The following RPAP1 variants were observed in gnomAD, a reference collection of about 807,000 sequenced individuals.
RPAP1 encodes RNA polymerase II associated protein 1.
RPAP1 carries 109 observed loss-of-function variants against 142.4 expected under a neutral mutation model. The ratio of observed to expected loss-of-function variants is 0.77; its 90% CI spans 0.66 to 0.90. The LOEUF (loss-of-function observed/expected upper bound fraction) is 0.90, where lower values mean the gene tolerates loss of function less well. RPAP1 is among the 40% of genes least tolerant of loss of function. RPAP1 has a pLI of 0.00. For missense variants in RPAP1, 1,546 were observed against 1,751.7 expected (o/e 0.88, Z 2.10); for synonymous variants, 704 against 738.9 (o/e 0.95, Z 0.77).
chr15:41,528,265 T>C lies in RPAP1; in HGVS notation c.1230A>G (p.Ala410=). ...RSQVSQQRAL[A]LHVLAQVISR... ...TGATGACCTGGGCTAACACATGCAG[T>C]GCCAGTGCTCTCTGCTGGGAAACCT... Residue 410 remains alanine (A), a synonymous_variant, in exon 10 of 25, where the codon GCA becomes GCG. Transcript: ENST00000304330. The C allele has an allele frequency of 1.2e-6, 2 of 1,608,846 alleles. No homozygotes were observed. Among genetic ancestry groups the C allele is most frequent in the Non-Finnish European group, 1.7e-6 (2 of 1,177,544 alleles).
Position 41,526,938 on chromosome 15 carries a change from C to G in RPAP1, c.1877G>C (p.Arg626Pro). The G allele has an allele frequency of 6.2e-7, 1 of 1,614,000 alleles. No individual in the cohort carries two copies. The highest frequency in any genetic ancestry group is 1.7e-5 in the Admixed American group (1 of 60,000). Residue 626 changes from arginine to proline, a missense_variant, in exon 14 of 25, where the codon CGT becomes CCT. Arg to Pro is a moderately radical substitution (Grantham distance 103, BLOSUM62 -2). Coordinates refer to ENST00000304330, the MANE Select transcript of RPAP1 (RefSeq NM_015540.4). ...VPCATAMKLL[R>P]VLASAGRNIA... Reference sequence around the variant, plus strand: ...ATTCCTCCCAGCTGAGGCCAGGACACGAAGTAGTTTCATGGCAGTAGCACA... The same window carrying G: ...ATTCCTCCCAGCTGAGGCCAGGACAGGAAGTAGTTTCATGGCAGTAGCACA...
intron 7 of RPAP1, among the ~76,000 whole-genome samples, 197 bp downstream of exon 7, chr15:41,530,826 G>C (rs968382115): frequency 6.6e-6 from 1 of 152,184 alleles, no homozygotes; most frequent in Non-Finnish European, 1.5e-5. Context: ...GGCAGTAACA[G>C]GACAAGAAAA....
At chr15:41,524,908 T>G in intron 15 of RPAP1, 83 bp downstream of exon 15, 1 of 1,426,926 alleles carries the variant, frequency 7.0e-7, no homozygotes, top group Non-Finnish European at 9.6e-7. Context: ...CTTGGGACCT[T>G]GAGCAAGGCT....
At chr15:41,538,168 G>A (rs374802763) in intron 1 of RPAP1, among the ~76,000 whole-genome samples, 9 of 152,142 alleles carry the variant, frequency 5.9e-5, no homozygotes, top group South Asian at 2.1e-4. Context: ...GCGTGAACCC[G>A]GGAGGCGGAG....
At chr15:41,543,045 A>C (rs1279672267) in intron 1 of RPAP1, among the ~76,000 whole-genome samples, 1 of 152,158 alleles carries the variant, frequency 6.6e-6, no homozygotes, top group African/African-American at 2.4e-5. Flanking sequence ...AGCAAAGTCC[A>C]GCTCACTTCA....
chr15:41,521,635 G>T (rs2051726973), intron 21 of RPAP1, 103 bp downstream of exon 21: 3 of 1,341,288 alleles, frequency 2.2e-6, no homozygotes, highest in Non-Finnish European at 3.1e-6. Context: ...GTCGGTGGAA[G>T]AAAGAGAATT....
At chr15:41,538,331 G>A (rs535893541) in intron 1 of RPAP1, among the ~76,000 whole-genome samples, 109 of 152,296 alleles carry the variant, frequency 7.2e-4, no homozygotes, top group South Asian at 1.9e-3. Context: ...GCTTACTACA[G>A]CCTCAAACTC....
At chr15:41,543,052 T>G (rs910254730) in intron 1 of RPAP1, among the ~76,000 whole-genome samples, 12 of 152,210 alleles carry the variant, frequency 7.9e-5, no homozygotes, top group African/African-American at 2.6e-4. Flanking sequence ...TCCAGCTCAC[T>G]TCATAGGGTG....
At chr15:41,537,333 CCT>C (rs1595489138) in intron 1 of RPAP1, 132 bp from the exon 2 acceptor site, 8 of 571,576 alleles carry the variant, frequency 1.4e-5, no homozygotes, top group Non-Finnish European at 2.5e-5. Flanking sequence ...ACTGCCATTC[CCT>C]CTGTCTTCAG....
chr15:41,535,011 A>T, intron 5 of RPAP1, 76 bp from the exon 6 acceptor site: 1 of 1,396,472 alleles, frequency 7.2e-7, no homozygotes, highest in South Asian at 1.3e-5. Flanking sequence ...TTCTTCTATA[A>T]GGCTATTAGC....
In RPAP1 at chr15:41,536,124, C is replaced by T. The variant is rs1228938026; in HGVS notation, c.420+5G>A. ...TGAGCACCACCTAAGCTTACCCTTG[C>T]CTACCTGTGTGTCCCGCGAGCGAAG... is the stretch of plus-strand genomic sequence containing the variant. On this transcript the variant is annotated splice_donor_5th_base_variant and intron_variant, in intron 4 of 24. Coordinates refer to ENST00000304330, the MANE Select transcript of RPAP1 (RefSeq NM_015540.4). 6.2e-7 allele frequency: 1 copy of T among 1,613,014 alleles called. No homozygotes were observed. The highest frequency in any genetic ancestry group is 1.3e-5 in the African/African-American group (1 of 74,896).
At position 41,520,938 on chromosome 15, in the gene RPAP1, C is replaced by A. The variant is rs753950170; in HGVS notation, c.3248G>T (p.Arg1083Leu). The A allele has an allele frequency of 4.3e-6, 7 of 1,612,184 alleles. No homozygotes were observed. The South Asian group carries it at 6.6e-5, about 15-fold the overall frequency. The change falls in exon 22 of 25, where the codon CGA (arginine) becomes CTA (leucine). Residue 1083 changes from arginine (R) to leucine (L), a missense_variant. Physicochemically the swap from Arg to Leu is moderately radical, Grantham distance 102 (BLOSUM62 -2). This residue lies in a region of RPAP1 where 1,333 missense variants were observed against 1,486.6 expected (regional missense o/e 0.90). Transcript: ENST00000304330. Reference protein sequence around the residue: ...SQALHRGELQRVPTLLLPMPT... With the variant: ...SQALHRGELQLVPTLLLPMPT... ...CATGGGCAGTAGCAGGGTTGGGACTCGCTGTAGCTCCCCTCGGTGCAGAGC... is the reference window on the plus strand; with the variant it reads ...CATGGGCAGTAGCAGGGTTGGGACTAGCTGTAGCTCCCCTCGGTGCAGAGC...
chr15:41,538,004 G>A (rs377467480), intron 1 of RPAP1, among the ~76,000 whole-genome samples: 125 of 152,326 alleles, frequency 8.2e-4, no homozygotes, highest in African/African-American at 2.9e-3. Context: ...AGCACTTTGG[G>A]AGGCCAAGGC....
rs1456536743 is a variant in RPAP1, at chr15:41,529,495, A to G, written c.1133T>C (p.Leu378Pro). The G allele has an allele frequency of 1.2e-6, 2 of 1,613,270 alleles. No individual in the cohort carries two copies. The highest frequency in any genetic ancestry group is 2.7e-5 in the African/African-American group (2 of 74,914). The stretch of plus-strand genomic sequence containing the variant: ...CTCTGCCTCCTCTCCATGGTGGTGC[A>G]GACCCAGGTGGGTGGGCAGGTCCAC... ...PDVDLPTHLG[L>P]HHHGEEAERA... is the part of the protein sequence containing the mutation. Residue 378 changes from leucine to proline, a missense_variant, in exon 9 of 25, where the codon CTG becomes CCG. Leu to Pro is a moderately conservative substitution (Grantham distance 98). This residue lies in a region of RPAP1 where 1,333 missense variants were observed against 1,486.6 expected (regional missense o/e 0.90). Coordinates refer to ENST00000304330, the MANE Select transcript of RPAP1 (RefSeq NM_015540.4).
Position 41,528,310 on chromosome 15 carries a change from C to T in RPAP1, c.1185G>A (p.Leu395=), listed in dbSNP as rs373402866. ...AAACCTGGCTGCGGGTCAGGTGGAA[C>T]AGCTCCTGTAGGGAATACCCCGCTC... The part of the protein sequence containing the change: ...AERAGYSLQE[L]FHLTRSQVSQ... Residue 395 remains leucine, a synonymous_variant, in exon 10 of 25, where the codon CTG becomes CTA. Transcript: ENST00000304330. 1 of 1,601,506 alleles carries T rather than the reference C, an allele frequency of 6.2e-7. No individual in the cohort carries two copies. The highest frequency in any genetic ancestry group is 1.1e-5 in the South Asian group (1 of 88,752).
rs2051799215 is a variant in RPAP1, at chr15:41,527,044, C to T, written c.1771G>A (p.Glu591Lys). ...TRVLECPRLI[E>K]TIVREFLPTS... ...GGCAAGAACTCTCGAACTATAGTCT[C>T]TATCAGCCGAGGGCACTCCAGGACC... The change falls in exon 14 of 25, where the codon GAG becomes AAG. Residue 591 changes from glutamate (E) to lysine (K), a missense_variant. By Grantham distance (56) the Glu-to-Lys change is moderately conservative (BLOSUM62 1). Around this residue, in one of 3 missense-constraint regions of RPAP1, gnomAD observed 1,333 missense variants for 1,486.6 expected, o/e 0.90. Transcript: ENST00000304330. The T allele has an allele frequency of 1.9e-6, 3 of 1,614,084 alleles. No individual in the cohort carries two copies. Among genetic ancestry groups the T allele is most frequent in the African/African-American group, 2.7e-5 (2 of 74,934 alleles).
chr15:41,523,094 C>T, intron 18 of RPAP1, 134 bp from the exon 19 acceptor site: 2 of 922,716 alleles, frequency 2.2e-6, no homozygotes, highest in African/African-American at 1.7e-5. Flanking sequence ...CTCCTCAGAG[C>T]CCACCCCACT....
rs762419605 is a variant in RPAP1, at chr15:41,518,089, G to A, written c.3889C>T (p.Arg1297Cys). 1.1e-5 allele frequency: 17 copies of A among 1,609,200 alleles called. No individual in the cohort carries two copies. The East Asian group carries it at 1.1e-4, about 11-fold the overall frequency. ...TAGAGCACGGGGCACCAACGTGGGCGGAGCGCACCAGTAACCAGGGTCCGG... is the reference window on the plus strand; with the variant it reads ...TAGAGCACGGGGCACCAACGTGGGCAGAGCGCACCAGTAACCAGGGTCCGG... ...YFRTLVTGAL[R>C]PRWCPVLYAV... Residue 1297 changes from arginine to cysteine, a missense_variant, in exon 23 of 25, where the codon CGC (arginine) becomes TGC (cysteine). Physicochemically the swap from Arg to Cys is radical, Grantham distance 180. Coordinates refer to ENST00000304330, the MANE Select transcript of RPAP1 (RefSeq NM_015540.4).
At chr15:41,536,802 T>C (rs1403505546) in intron 2 of RPAP1, 143 bp downstream of exon 2, 2 of 1,377,412 alleles carry the variant, frequency 1.5e-6, no homozygotes, top group African/African-American at 1.4e-5. Context: ...ATTTTCTTCC[T>C]CTGTAAAATG....
Sources: allele counts gnomAD v4.1 joint callset (sites outside exome capture counted in the v4.1 genomes callset), GRCh38; gene constraint gnomAD v4.1.1; regional missense constraint gnomAD v4.1.1; transcripts MANE v1.5; gene names NCBI Gene and HGNC (gene_info 2026-07-23, HGNC 2026-07-21).